NFKB1: variants seen among roughly 807,000 people sequenced by gnomAD.
The protein encoded by NFKB1 is nuclear factor kappa B subunit 1.
Under a neutral mutation model 105.1 loss-of-function variants are expected in NFKB1, and 9 were observed. That is an observed-to-expected ratio of 0.09 (90% CI 0.05 to 0.15). The LOEUF is 0.15. Among genes scored for constraint, NFKB1 ranks in the 10% least tolerant of loss-of-function variants. The pLI is 1.00. For synonymous variants in NFKB1, 440 were observed against 442.2 expected (o/e 1.00, Z 0.06); for missense variants, 830 against 1,203.7 (o/e 0.69, Z 4.59).
chr4:102,606,607 C>A lies in NFKB1; in HGVS notation c.1864C>A (p.Leu622Ile), dbSNP rs201559647. The change falls in exon 17 of 24, where the codon CTA becomes ATA. Residue 622 changes from leucine (L) to isoleucine (I), a missense_variant. Around this residue, in one of 8 missense-constraint regions of NFKB1, gnomAD observed 418 missense variants for 575.3 expected, o/e 0.73. Transcript: ENST00000226574. The stretch of plus-strand genomic sequence containing the variant: ...CCGCTTGGGTAACTCTGTTTTGCAC[C>A]TAGCTGCCAAAGAAGGACATGATAA... ...LDRLGNSVLH[L>I]AAKEGHDKVL... 7 of 1,614,062 alleles carry A rather than the reference C, an allele frequency of 4.3e-6. No homozygotes were observed. The highest frequency in any genetic ancestry group is 5.9e-6 in the Non-Finnish European group (7 of 1,180,046).
intron 1 of NFKB1, among the ~76,000 whole-genome samples, chr4:102,503,745 C>T (rs1365022131): frequency 6.6e-6 from 1 of 152,118 alleles, no homozygotes; most frequent in South Asian, 2.1e-4. Flanking sequence ...GATTAAAGCA[C>T]AATTAATCTG....
chr4:102,530,133 G>T (rs1459867332), intron 3 of NFKB1, among the ~76,000 whole-genome samples: 1 of 152,070 alleles, frequency 6.6e-6, no homozygotes, highest in Non-Finnish European at 1.5e-5. Flanking sequence ...TTTCATATCT[G>T]CTAGGACTAC....
intron 6 of NFKB1, among the ~76,000 whole-genome samples, chr4:102,574,147 T>C: frequency 7.2e-6 from 1 of 138,046 alleles, no homozygotes; most frequent in East Asian, 2.1e-4. Flanking sequence ...TTTTTTTTGA[T>C]GTGCTTTTAA....
intron 13 of NFKB1, among the ~76,000 whole-genome samples, chr4:102,595,551 T>C (rs532891130): frequency 6.6e-6 from 1 of 152,368 alleles, no homozygotes; most frequent in African/African-American, 2.4e-5. Context: ...TGGAAAATAG[T>C]AACTCCATTT....
chr4:102,613,458 G>A lies in NFKB1; in HGVS notation c.2626G>A (p.Ala876Thr), dbSNP rs1298134899. 6.2e-7 allele frequency: 1 copy of A among 1,613,708 alleles called. No individual in the cohort carries two copies. The highest frequency in any genetic ancestry group is 8.5e-7 in the Non-Finnish European group (1 of 1,179,948). The change falls in exon 23 of 24, where the codon GCC (alanine) becomes ACC (threonine). Residue 876 changes from alanine (A) to threonine (T), a missense_variant. Around this residue, in one of 8 missense-constraint regions of NFKB1, gnomAD observed 418 missense variants for 575.3 expected, o/e 0.73. Transcript: ENST00000226574. ...GGGTACAGTCAGAGAGCTGGTGGAG[G>A]CCCTGAGACAAATGGGCTACACCGA... Reference protein sequence around the residue: ...SGGTVRELVEALRQMGYTEAI... With the variant: ...SGGTVRELVETLRQMGYTEAI...
chr4:102,503,926 G>C (rs528651314), intron 1 of NFKB1, among the ~76,000 whole-genome samples: 1 of 152,260 alleles, frequency 6.6e-6, no homozygotes, highest in East Asian at 1.9e-4. Flanking sequence ...GACTTTCAGG[G>C]ATTGCTCATT....
Position 102,584,665 on chromosome 4 carries a change from T to C in NFKB1, c.928-17T>C, listed in dbSNP as rs769381951. ...AATGTAGTCCTACACCAACATGTGG[T>C]TCTTCGTATCCTGCAGTTTGCCATT... On this transcript the variant is annotated splice_polypyrimidine_tract_variant and intron_variant, in intron 10 of 23. Coordinates refer to ENST00000226574, the MANE Select transcript of NFKB1 (RefSeq NM_003998.4). 3.3e-5 allele frequency: 52 copies of C among 1,575,574 alleles called. No individual in the cohort carries two copies. The highest frequency in any genetic ancestry group is 4.5e-5 in the Non-Finnish European group (52 of 1,166,292).
At chr4:102,562,188 C>T (rs1396763276) in intron 5 of NFKB1, among the ~76,000 whole-genome samples, 1 of 152,076 alleles carries the variant, frequency 6.6e-6, no homozygotes, top group Non-Finnish European at 1.5e-5. Context: ...CCTCTAAACC[C>T]TTTGGCCTCA....
rs1241657198 is a variant in NFKB1 at position 102,597,550 on chromosome 4, T to C, written c.1526T>C (p.Leu509Pro). The change falls in exon 15 of 24, where the codon CTT becomes CCT. Residue 509 changes from leucine to proline, a missense_variant. Coordinates refer to ENST00000226574, the MANE Select transcript of NFKB1 (RefSeq NM_003998.4). ...CTCTTTCTAGAGAAGGCTATGCAGC[T>C]TGCAAAGAGGCATGCCAATGCCCTT... ...DNLFLEKAMQ[L>P]AKRHANALFD... The C allele has an allele frequency of 5.0e-6, 8 of 1,613,476 alleles. No homozygotes were observed. In the Admixed American group the frequency reaches 1.2e-4, roughly 24 times the overall value.
intron 11 of NFKB1, among the ~76,000 whole-genome samples, chr4:102,585,221 A>T (rs1351904186): frequency 1.3e-5 from 2 of 152,144 alleles, no homozygotes; most frequent in Non-Finnish European, 2.9e-5. Context: ...GGACAAGCTA[A>T]TTAGAAAAGA....
At chr4:102,580,900 T>C (rs1038811914) in intron 9 of NFKB1, among the ~76,000 whole-genome samples, 2 of 152,268 alleles carry the variant, frequency 1.3e-5, no homozygotes, top group African/African-American at 4.8e-5. Flanking sequence ...AATCAGTGAC[T>C]TTCAGTATCT....
chr4:102,595,986 A>G, intron 13 of NFKB1, 152 bp from the exon 14 acceptor site: 1 of 458,940 alleles, frequency 2.2e-6, no homozygotes, highest in Non-Finnish European at 3.8e-6. Context: ...TATTTATGAT[A>G]TGACCATTTT....
intron 3 of NFKB1, among the ~76,000 whole-genome samples, chr4:102,532,927 A>G (rs1352966707): frequency 2.0e-5 from 3 of 152,316 alleles, no homozygotes; most frequent in South Asian, 4.1e-4. Context: ...GGACTTTTTC[A>G]TATTGAACAG....
intron 10 of NFKB1, among the ~76,000 whole-genome samples, chr4:102,583,505 A>G (rs1047796248): frequency 6.6e-6 from 1 of 152,186 alleles, no homozygotes; most frequent in Non-Finnish European, 1.5e-5. Flanking sequence ...CCCCTAACCC[A>G]TAAGACAGTG....
intron 1 of NFKB1, chr4:102,510,982 C>T: frequency 1.6e-6 from 2 of 1,277,738 alleles, no homozygotes; most frequent in Non-Finnish European, 2.0e-6. Context: ...GTTAAAAAGT[C>T]AGCCTTTAAA....
At chr4:102,595,752 A>G (rs898774756) in intron 13 of NFKB1, among the ~76,000 whole-genome samples, 4 of 152,206 alleles carry the variant, frequency 2.6e-5, no homozygotes, top group Non-Finnish European at 5.9e-5. Flanking sequence ...TCCCACACTA[A>G]AGAATGTGAG....
intron 11 of NFKB1, among the ~76,000 whole-genome samples, chr4:102,590,450 T>A (rs929350121): frequency 2.6e-5 from 4 of 152,134 alleles, no homozygotes; most frequent in Non-Finnish European, 5.9e-5. Context: ...GTCAAGAAAG[T>A]CTATTGGTGC....
intron 1 of NFKB1, among the ~76,000 whole-genome samples, chr4:102,521,103 A>G (rs535157292): frequency 3.9e-4 from 60 of 152,344 alleles, no homozygotes; most frequent in South Asian, 2.5e-3. Context: ...ACAATCTGTT[A>G]TCAAAGGACA....
At chr4:102,582,738 T>G (rs1725409285) in intron 9 of NFKB1, 128 bp from the exon 10 acceptor site, 1 of 539,350 alleles carries the variant, frequency 1.9e-6, no homozygotes, top group Non-Finnish European at 3.2e-6. Flanking sequence ...GACTGAACCT[T>G]TTGATCTTGT....
Sources: gnomAD v4.1 joint callset for allele counts (sites outside exome capture counted in the v4.1 genomes callset) on GRCh38, gnomAD v4.1.1 for gene constraint, gnomAD v4.1.1 regional missense constraint, MANE v1.5 for transcripts, NCBI Gene and HGNC (gene_info 2026-07-23, HGNC 2026-07-21) for gene names.